The following PAK6 variants were observed in gnomAD, a reference collection of about 807,000 sequenced individuals.
PAK6 encodes the protein p21 (RAC1) activated kinase 6.
A neutral mutation model predicts 60.8 loss-of-function variants in PAK6; 33 were observed. The ratio of observed to expected loss-of-function variants is 0.54; its 90% CI spans 0.41 to 0.73. The LOEUF (loss-of-function observed/expected upper bound fraction) is 0.73, where lower values mean the gene tolerates loss of function less well. PAK6 is among the 30% of genes least tolerant of loss of function. The pLI, the probability that PAK6 is intolerant of heterozygous loss-of-function variation, is 0.00. For synonymous variants in PAK6, 404 were observed against 378.5 expected, an observed-to-expected ratio of 1.07 and a Z score of -0.78; for missense variants, 845 against 904.1, an observed-to-expected ratio of 0.93 and a Z score of 0.84.
chr15:40,275,280 G>GTTTTTTTTTTTTTTTTTTTTTTTCTTTT (rs869058525), intron 10 of PAK6, among the ~76,000 whole-genome samples: 1 of 56,486 alleles, frequency 1.8e-5, no homozygotes, highest in Non-Finnish European at 3.1e-5. Context: ...GTTGTTGTTG[G>GTTTTTTTTTTTTTTTTTTTTTTTCTTTT]TTTTTTTTTT....
At chr15:40,249,539 C>T (rs1351287574) in intron 2 of PAK6, among the ~76,000 whole-genome samples, 1 of 152,220 alleles carries the variant, frequency 6.6e-6, no homozygotes, top group East Asian at 1.9e-4. Context: ...ATTACTATTT[C>T]TATTATTAGG....
At chr15:40,244,623 C>A (rs1369158304) in intron 2 of PAK6, among the ~76,000 whole-genome samples, 4 of 151,974 alleles carry the variant, frequency 2.6e-5, no homozygotes, top group African/African-American at 9.7e-5. Flanking sequence ...GTCTCGAACT[C>A]CTGACCTCAG....
intron 2 of PAK6, chr15:40,244,964 T>C (rs905536557): frequency 1.3e-5 from 2 of 152,160 alleles, no homozygotes; most frequent in African/African-American, 2.4e-5. Context: ...AGTATTCACA[T>C]AGGGCCAGTG....
At position 40,260,942 on chromosome 15, in the gene PAK6, G is replaced by C. The variant is rs1018395345; in HGVS notation, c.-5-3839G>C. Among the ~76,000 whole-genome samples the C allele has an allele frequency of 8.2e-4, 123 of 149,374 alleles. 1 individual carries two copies. The highest frequency in any genetic ancestry group is 4.9e-4 in the Non-Finnish European group (33 of 67,658). ...CTCGCTCTGTCGCCCAGGCTGGAAT[G>C]CAGTGGCCTGATCTCAGCTCACTGC... On this transcript the variant is annotated intron_variant, in intron 3 of 10. Transcript: ENST00000560346.
chr15:40,264,562 T>G (rs1423301851), intron 3 of PAK6: 4 of 630,282 alleles, frequency 6.3e-6, no homozygotes, highest in Non-Finnish European at 8.6e-6. Context: ...GTTTATAGTC[T>G]GCACTGGCTT....
rs752511154 is a variant in PAK6 at position 40,242,715 on chromosome 15, G to GC, written c.-118+2037dup. Among the ~76,000 whole-genome samples the GC allele has an allele frequency of 2.0e-5, 3 of 152,312 alleles. 1 individual carries two copies. The highest frequency in any genetic ancestry group is 4.4e-5 in the Non-Finnish European group (3 of 68,012). ...GGAAGTTGTCCCCTTCTGAGGAGGT[G>GC]CCCTCCACCCCACCAGAGCTCAGCC... On this transcript the variant is annotated intron_variant, in intron 2 of 10. Coordinates refer to ENST00000560346, the Ensembl canonical transcript of PAK6.
chr15:40,272,800 C>T (rs1595603112), intron 6 of PAK6, 66 bp from the exon 7 acceptor site: 3 of 1,591,040 alleles, frequency 1.9e-6, no homozygotes, highest in East Asian at 4.5e-5. Context: ...CATCTGTGAG[C>T]AGGGGCAGTG....
At chr15:40,256,982 A>T (rs1207825597) in intron 3 of PAK6, 1 of 152,228 alleles carries the variant, frequency 6.6e-6, no homozygotes, top group Non-Finnish European at 1.5e-5. Context: ...GTCGAGGCCT[A>T]CGTAAGGCGA....
rs763453474 is a variant in PAK6 at position 40,276,013 on chromosome 15, C to A, written c.1965C>A (p.His655Gln). 1.7e-5 allele frequency: 27 copies of A among 1,613,484 alleles called. No homozygotes were observed. The highest frequency in any genetic ancestry group is 2.3e-5 in the Non-Finnish European group (27 of 1,179,906). The stretch of plus-strand genomic sequence containing the variant: ...CCACAGCCCAGGAGCTCCTAGACCA[C>A]CCCTTCCTGCTGCAGACAGGGCTAC... The change falls in exon 11 of 11, where the codon CAC becomes CAA. Residue 655 changes from histidine (H) to glutamine (Q), a missense_variant. His to Gln is a conservative substitution (Grantham distance 24). Transcript: ENST00000560346.
At chr15:40,274,036 G>A in intron 9 of PAK6, 106 bp from the exon 10 acceptor site, 1 of 1,352,318 alleles carries the variant, frequency 7.4e-7, no homozygotes, top group Middle Eastern at 2.1e-4. Context: ...GACCCACCAA[G>A]GAGAGCTGGG....
intron 9 of PAK6, chr15:40,273,908 G>C: frequency 3.0e-6 from 2 of 667,876 alleles, no homozygotes; most frequent in Non-Finnish European, 5.1e-6. Flanking sequence ...GTATGGCCGG[G>C]CCTCCTATGT....
chr15:40,272,876 T>C (rs764899757), exon 7 of PAK6: 28 of 1,613,868 alleles, frequency 1.7e-5, no homozygotes, highest in Non-Finnish European at 2.4e-5. Flanking sequence ...GTGGTGATCA[T>C]GCGGGACTAC....
At chr15:40,269,714 C>G (rs1207718252) in intron 5 of PAK6, among the ~76,000 whole-genome samples, 1 of 152,190 alleles carries the variant, frequency 6.6e-6, no homozygotes, top group Non-Finnish European at 1.5e-5. Context: ...CCCCAGACTC[C>G]CCAGCCTATG....
chr15:40,266,807 CA>C (rs2140982533), intron 5 of PAK6: 2 of 328,446 alleles, frequency 6.1e-6, no homozygotes, highest in Admixed American at 9.3e-5. Flanking sequence ...CGACTTGTGG[CA>C]TGTGTGACTG....
chr15:40,275,933 C>A lies in PAK6; in HGVS notation c.1885C>A (p.Pro629Thr), dbSNP rs2039443408. Residue 629 changes from proline to threonine, a missense_variant, in exon 11 of 11, where the codon CCA (proline) becomes ACA (threonine). Transcript: ENST00000560346. Reference sequence around the variant, plus strand: ...TACTGCCCTGCCTCTACAGGTCTCCCCAGTGCTGCGAGACTTCCTGGAGCG... The same window carrying A: ...TACTGCCCTGCCTCTACAGGTCTCCACAGTGCTGCGAGACTTCCTGGAGCG... 6 of 1,612,888 alleles carry A rather than the reference C, an allele frequency of 3.7e-6. No homozygotes were observed. The East Asian group carries it at 1.3e-4, about 36-fold the overall frequency.
chr15:40,260,030 G>T (rs2038944297), intron 3 of PAK6: 1 of 151,970 alleles, frequency 6.6e-6, no homozygotes, highest in African/African-American at 2.4e-5. Flanking sequence ...ATATCATCAA[G>T]AATTCCACTT....
At chr15:40,252,981 G>C (rs1638369105) in intron 2 of PAK6, 197 bp from the exon 3 acceptor site, 1 of 572,786 alleles carries the variant, frequency 1.7e-6, no homozygotes, top group South Asian at 2.0e-5. Flanking sequence ...GGCCGCCCCG[G>C]AAGCGGTGCT....
At chr15:40,259,525 C>T (rs1314177962) in intron 3 of PAK6, 1 of 152,234 alleles carries the variant, frequency 6.6e-6, no homozygotes, top group African/African-American at 2.4e-5. Flanking sequence ...GTGGCTCACG[C>T]CTGTAATCCC....
rs1265288405 is a variant in PAK6 at position 40,274,294 on chromosome 15, G to A, written c.1878+18G>A. 1.9e-6 allele frequency: 3 copies of A among 1,582,378 alleles called. No individual in the cohort carries two copies. Among genetic ancestry groups the A allele is most frequent in the Non-Finnish European group, 2.6e-6 (3 of 1,164,170 alleles). Reference sequence around the variant, plus strand: ...CTCACAAGGTCAGTTGGCACACAAGGGTGCGACCTCGCAGACCCCATTCCT... The same window carrying A: ...CTCACAAGGTCAGTTGGCACACAAGAGTGCGACCTCGCAGACCCCATTCCT... On this transcript the variant is annotated intron_variant, in intron 10 of 10. Transcript: ENST00000560346.
Sources: gnomAD v4.1 joint callset for allele counts (sites outside exome capture counted in the v4.1 genomes callset) on GRCh38, gnomAD v4.1.1 for gene constraint, MANE v1.5 for transcripts, NCBI Gene and HGNC (gene_info 2026-07-23, HGNC 2026-07-21) for gene names.